JADE3: variants seen among roughly 807,000 people sequenced by gnomAD.
The protein encoded by JADE3 is protein Jade-3.
JADE3 carries 2 observed loss-of-function variants against 50.1 expected under a neutral mutation model. The observed-to-expected ratio is 0.04, with a 90% CI of 0.02 to 0.13. The LOEUF is 0.13. JADE3 is among the 10% of genes least tolerant of loss of function. The probability of loss-of-function intolerance (pLI) is 1.00; values close to 1 mark genes in which losing one functional copy is unlikely to be tolerated. For synonymous variants in JADE3, 218 were observed against 232.9 expected, an observed-to-expected ratio of 0.94 and a Z score of 0.58; for missense variants, 475 against 634.4, an observed-to-expected ratio of 0.75 and a Z score of 2.70.
intron 1 of JADE3, among the ~76,000 whole-genome samples, chrX:46,979,437 G>A (rs1556352377): frequency 9.0e-6 from 1 of 111,602 alleles, no homozygotes; most frequent in African/African-American, 3.3e-5. Flanking sequence ...TGGTCAGTTG[G>A]CTTTCTTCAC....
intron 8 of JADE3, among the ~76,000 whole-genome samples, chrX:47,048,186 A>T (rs1464255200): frequency 5.4e-5 from 6 of 111,545 alleles, no homozygotes; most frequent in African/African-American, 2.0e-4. Flanking sequence ...CTCTACCATA[A>T]ATCACATCGT....
chrX:47,021,053 G>A (rs1235752412), intron 4 of JADE3, among the ~76,000 whole-genome samples: 1 of 109,821 alleles, frequency 9.1e-6, no homozygotes, highest in Non-Finnish European at 1.9e-5. Flanking sequence ...GGTTGAGGCT[G>A]CAGGAGCTTT....
chrX:47,034,849 C>T (rs980696093), intron 7 of JADE3, among the ~76,000 whole-genome samples: 13 of 106,906 alleles, frequency 1.2e-4, no homozygotes, highest in African/African-American at 3.8e-4. Context: ...CCTGACCTCA[C>T]GTGATCCACC....
intron 1 of JADE3, among the ~76,000 whole-genome samples, chrX:46,977,676 A>G (rs1927656093): frequency 8.9e-6 from 1 of 112,240 alleles, no homozygotes; most frequent in Non-Finnish European, 1.9e-5. Context: ...AACCTGAGAC[A>G]GTATTCAAAT....
At chrX:46,946,964 C>T (rs1350726588) in intron 1 of JADE3, among the ~76,000 whole-genome samples, 1 of 112,261 alleles carries the variant, frequency 8.9e-6, no homozygotes, top group African/African-American at 3.2e-5. Flanking sequence ...CCATGATTCT[C>T]ATGTTTGATG....
intron 8 of JADE3, 110 bp from the exon 9 acceptor site, chrX:47,054,048 T>C: frequency 2.0e-6 from 1 of 500,332 alleles, no homozygotes; most frequent in Non-Finnish European, 3.3e-6. Flanking sequence ...GGACTAACTT[T>C]CTCCCGGTCT....
At chrX:46,923,389 C>CTTTTTT (rs1926271002) in intron 1 of JADE3, among the ~76,000 whole-genome samples, 1 of 24,170 alleles carries the variant, frequency 4.1e-5, no homozygotes, top group Non-Finnish European at 1.4e-4. Context: ...CTCTCTCTCT[C>CTTTTTT]TCTCTTTTTT....
intron 3 of JADE3, 144 bp from the exon 4 acceptor site, chrX:46,997,976 A>G: frequency 2.2e-6 from 1 of 459,048 alleles, no homozygotes; most frequent in Non-Finnish European, 3.6e-6. Flanking sequence ...TCCAAACAGA[A>G]GTTGATCTGG....
In JADE3 at chrX:47,013,036, C is replaced by T. The variant is rs191709910; in HGVS notation, c.285-11688C>T. Among the ~76,000 whole-genome samples the T allele has an allele frequency of 8.1e-5, 9 of 111,772 alleles. No homozygotes were observed. In the East Asian group the frequency reaches 2.0e-3, roughly 24 times the overall value. On this transcript the variant is annotated intron_variant, in intron 4 of 10. Coordinates refer to ENST00000614628, the MANE Select transcript of JADE3 (RefSeq NM_014735.5). ...ATCTTAGTTCTTTTTTCAGAGACAG[C>T]GTCTCGTTCTCTGTTGCCCAGCCTG...
chrX:46,916,157 T>C (rs868943075), intron 1 of JADE3, among the ~76,000 whole-genome samples: 1 of 112,338 alleles, frequency 8.9e-6, no homozygotes, highest in Non-Finnish European at 1.9e-5. Flanking sequence ...TGGGACACAT[T>C]CTTTTTTAAA....
intron 3 of JADE3, among the ~76,000 whole-genome samples, chrX:46,996,740 C>T (rs1249841644): frequency 1.8e-5 from 2 of 112,133 alleles, no homozygotes; most frequent in Admixed American, 1.9e-4. Flanking sequence ...TGTCAATGGA[C>T]TTAGAGCCCA....
At chrX:46,920,688 T>C (rs1037499685) in intron 1 of JADE3, among the ~76,000 whole-genome samples, 3 of 112,776 alleles carry the variant, frequency 2.7e-5, no homozygotes, top group Non-Finnish European at 5.6e-5. Context: ...CGTATGGATG[T>C]CTAGTTGTCC....
intron 1 of JADE3, among the ~76,000 whole-genome samples, chrX:46,930,734 G>C (rs781973502): frequency 9.0e-6 from 1 of 111,521 alleles, no homozygotes; most frequent in East Asian, 2.8e-4. Flanking sequence ...CACTGCACCA[G>C]CATCCATCCA....
Position 47,054,563 on chromosome X carries a change from C to T in JADE3, c.1378C>T (p.Pro460Ser), listed in dbSNP as rs1929595109. 8.3e-7 allele frequency: 1 copy of T among 1,208,758 alleles called. No homozygotes were observed. The highest frequency in any genetic ancestry group is 1.8e-5 in the South Asian group (1 of 56,695). Residue 460 changes from proline to serine, a missense_variant, in exon 9 of 11, where the codon CCA (proline) becomes TCA (serine). Physicochemically the swap from Pro to Ser is moderately conservative, Grantham distance 74. Coordinates refer to ENST00000614628, the MANE Select transcript of JADE3 (RefSeq NM_014735.5). The part of the protein sequence containing the change: ...KEDEENGLVQ[P>S]KEESIHTRMR... ...GGATGAAGAAAATGGGCTGGTGCAG[C>T]CAAAAGAGGAAAGCATTCACACTCG... is the stretch of plus-strand genomic sequence containing the variant.
intron 7 of JADE3, among the ~76,000 whole-genome samples, chrX:47,034,991 A>G (rs781784985): frequency 1.3e-4 from 14 of 110,610 alleles, no homozygotes; most frequent in Non-Finnish European, 2.6e-4. Context: ...TCAAAATTCA[A>G]TTTTTTATCA....
chrX:47,011,707 G>T (rs1928567660), intron 4 of JADE3, among the ~76,000 whole-genome samples: 1 of 111,770 alleles, frequency 8.9e-6, no homozygotes, highest in South Asian at 3.7e-4. Flanking sequence ...GTTATTGTCT[G>T]TCTTTTTGTT....
intron 1 of JADE3, among the ~76,000 whole-genome samples, chrX:46,914,354 C>G (rs1926036618): frequency 8.9e-6 from 1 of 111,886 alleles, no homozygotes; most frequent in South Asian, 3.7e-4. Context: ...TAGTGTGGTT[C>G]TCATGCTTTT....
At chrX:46,994,375 A>G (rs1928078721) in intron 3 of JADE3, among the ~76,000 whole-genome samples, 1 of 112,062 alleles carries the variant, frequency 8.9e-6, no homozygotes, top group African/African-American at 3.2e-5. Context: ...CTTTGACCAT[A>G]AATGAACAGT....
chrX:46,976,256 T>A (rs1476555388), intron 1 of JADE3, among the ~76,000 whole-genome samples: 1 of 111,681 alleles, frequency 9.0e-6, no homozygotes, highest in African/African-American at 3.3e-5. Context: ...TTGGCCTGCA[T>A]GTTCTTCCGT....
Sources: gnomAD v4.1 joint callset for allele counts (sites outside exome capture counted in the v4.1 genomes callset) on GRCh38, gnomAD v4.1.1 for gene constraint, MANE v1.5 for transcripts, NCBI Gene and HGNC (gene_info 2026-07-23, HGNC 2026-07-21) for gene names.